Variants in TAS2R1 observed in about 807,000 individuals in gnomAD.
The protein encoded by TAS2R1 is taste receptor type 2 member 1.
For missense variants in TAS2R1, 370 were observed against 353.4 expected (o/e 1.05, Z -0.38); for synonymous variants, 141 against 134.2 (o/e 1.05, Z -0.35).
At chr5:9,892,130 G>A in the TAS2R1 span, among the ~76,000 whole-genome samples, 2 of 152,102 alleles carry the variant, frequency 1.3e-5, no homozygotes, top group Non-Finnish European at 2.9e-5. Context: ...GACCCAGGAG[G>A]GGCAGATTTA....
At chr5:9,887,688 A>G in the TAS2R1 span, among the ~76,000 whole-genome samples, 1 of 152,236 alleles carries the variant, frequency 6.6e-6, no homozygotes, top group South Asian at 2.1e-4. Context: ...GCTGCCACTA[A>G]GGACAAAGGC....
At chr5:9,881,983 G>C in the TAS2R1 span, among the ~76,000 whole-genome samples, 1 of 152,164 alleles carries the variant, frequency 6.6e-6, no homozygotes, top group South Asian at 2.1e-4. Flanking sequence ...AAAAGCAATT[G>C]CAACAAAAGT....
the TAS2R1 span, among the ~76,000 whole-genome samples, chr5:9,771,885 T>TG: frequency 6.6e-6 from 1 of 152,120 alleles, no homozygotes; most frequent in Non-Finnish European, 1.5e-5. Flanking sequence ...TTTATTTATT[T>TG]GGGTCTTCTC....
At chr5:9,843,027 C>T in the TAS2R1 span, among the ~76,000 whole-genome samples, 7 of 152,224 alleles carry the variant, frequency 4.6e-5, no homozygotes, top group African/African-American at 1.4e-4. Context: ...CTTCAAATTA[C>T]AAATTTTTGC....
intron 1 of TAS2R1, among the ~76,000 whole-genome samples, chr5:9,668,533 G>A (rs1740686046): frequency 6.6e-6 from 1 of 152,086 alleles, no homozygotes; most frequent in Non-Finnish European, 1.5e-5. Flanking sequence ...CACCTACAAA[G>A]GGAACTCCAT....
the TAS2R1 span, among the ~76,000 whole-genome samples, chr5:9,857,614 T>C: frequency 6.6e-6 from 1 of 152,186 alleles, no homozygotes; most frequent in Non-Finnish European, 1.5e-5. Context: ...TAAATATTTA[T>C]TTTGAATTCT....
At chr5:9,717,616 A>C in the TAS2R1 span, among the ~76,000 whole-genome samples, 1 of 152,198 alleles carries the variant, frequency 6.6e-6, no homozygotes, top group Non-Finnish European at 1.5e-5. Context: ...GACTTCCCAC[A>C]ATTAAAACAG....
chr5:9,646,391 T>C (rs1740190505), intron 2 of TAS2R1, among the ~76,000 whole-genome samples: 1 of 152,150 alleles, frequency 6.6e-6, no homozygotes, highest in Non-Finnish European at 1.5e-5. Flanking sequence ...TATACTTTGT[T>C]CAAAAGATGC....
the TAS2R1 span, among the ~76,000 whole-genome samples, chr5:9,848,186 G>A: frequency 2.0e-5 from 3 of 152,144 alleles, no homozygotes; most frequent in Non-Finnish European, 4.4e-5. Flanking sequence ...AAATTCCGCA[G>A]GTTTACAATA....
intron 1 of TAS2R1, among the ~76,000 whole-genome samples, chr5:9,682,919 A>G (rs1741022355): frequency 6.6e-6 from 1 of 152,166 alleles, no homozygotes. Context: ...AGAAAATTAC[A>G]TAATATGAAA....
At chr5:9,824,844 G>GAA in the TAS2R1 span, among the ~76,000 whole-genome samples, 65,759 of 132,326 alleles carry the variant, frequency 0.5, 16,589 homozygotes, top group Non-Finnish European at 0.53. Context: ...TGAAAACTCT[G>GAA]AAAAAAAAAA....
At chr5:9,775,677 C>T in the TAS2R1 span, among the ~76,000 whole-genome samples, 398 of 151,836 alleles carry the variant, frequency 2.6e-3, 1 homozygote, top group African/African-American at 9.3e-3. Flanking sequence ...GGACTGGGTT[C>T]TTCCCTTCAA....
chr5:9,731,485 A>G, the TAS2R1 span, among the ~76,000 whole-genome samples: 1 of 151,876 alleles, frequency 6.6e-6, no homozygotes, highest in Admixed American at 6.6e-5. Context: ...CACCATCACA[A>G]CGGATTCCCC....
the TAS2R1 span, among the ~76,000 whole-genome samples, chr5:9,797,684 T>G: frequency 6.6e-5 from 10 of 152,280 alleles, no homozygotes; most frequent in African/African-American, 2.2e-4. Flanking sequence ...TAATAAAGGT[T>G]GTTGACGATG....
chr5:9,647,709 C>A (rs1740219369), intron 2 of TAS2R1, among the ~76,000 whole-genome samples: 1 of 152,132 alleles, frequency 6.6e-6, no homozygotes, highest in African/African-American at 2.4e-5. Flanking sequence ...ATACATCAGA[C>A]TTTCTACAGA....
the TAS2R1 span, among the ~76,000 whole-genome samples, chr5:9,856,051 A>G: frequency 1.3e-5 from 2 of 152,232 alleles, no homozygotes; most frequent in Non-Finnish European, 2.9e-5. Flanking sequence ...TACTTTTTAA[A>G]AAGAAGGCAA....
At chr5:9,773,123 TTGTC>T in the TAS2R1 span, among the ~76,000 whole-genome samples, 13 of 152,012 alleles carry the variant, frequency 8.6e-5, no homozygotes, top group Admixed American at 6.6e-5. Flanking sequence ...GAAGGTGACT[TTGTC>T]TGGTGGTGTG....
At chr5:9,681,635 A>C (rs1740998604) in intron 1 of TAS2R1, among the ~76,000 whole-genome samples, 1 of 151,096 alleles carries the variant, frequency 6.6e-6, no homozygotes, top group East Asian at 1.9e-4. Context: ...AAAATGGCTT[A>C]TCTTTGAAGA....
chr5:9,815,376 T>C, the TAS2R1 span, among the ~76,000 whole-genome samples: 28 of 152,194 alleles, frequency 1.8e-4, no homozygotes, highest in Admixed American at 1.8e-3. Context: ...GTGAACCCTC[T>C]CTCTTCTTAA....
Sources: gnomAD v4.1 joint callset for allele counts (sites outside exome capture counted in the v4.1 genomes callset) on GRCh38, gnomAD v4.1.1 for gene constraint, MANE v1.5 for transcripts, NCBI Gene and HGNC (gene_info 2026-07-23, HGNC 2026-07-21) for gene names.